KSR2: variants seen among roughly 807,000 people sequenced by gnomAD.
The protein encoded by KSR2 is kinase suppressor of ras 2.
A neutral mutation model predicts 107.8 loss-of-function variants in KSR2; 25 were observed. The ratio of observed to expected loss-of-function variants is 0.23; its 90% CI spans 0.17 to 0.32. The LOEUF is 0.32. Ranked by LOEUF, KSR2 falls within the 10% of genes least tolerant of loss-of-function variation. The pLI is 1.00. For synonymous variants in KSR2, 480 were observed against 507.0 expected, an observed-to-expected ratio of 0.95 and a Z score of 0.71; for missense variants, 887 against 1,268.9, an observed-to-expected ratio of 0.70 and a Z score of 4.57.
intron 4 of KSR2, among the ~76,000 whole-genome samples, chr12:117,704,853 C>T (rs1317687255): frequency 1.5e-5 from 2 of 137,034 alleles, no homozygotes; most frequent in East Asian, 4.5e-4. Context: ...AGTGAGACTT[C>T]ATCTCAAAAA....
chr12:117,846,801 A>G (rs1341529047), intron 3 of KSR2, among the ~76,000 whole-genome samples: 3 of 152,232 alleles, frequency 2.0e-5, no homozygotes, highest in Admixed American at 2.0e-4. Flanking sequence ...TAATGAATAT[A>G]AGTTTACCTG....
intron 1 of KSR2, among the ~76,000 whole-genome samples, chr12:117,961,914 G>A (rs1896670057): frequency 6.6e-6 from 1 of 152,204 alleles, no homozygotes; most frequent in Non-Finnish European, 1.5e-5. Context: ...GGAGGCCAAG[G>A]CAAGAGGGTG....
At chr12:117,945,439 C>A (rs1203752677) in intron 1 of KSR2, among the ~76,000 whole-genome samples, 1 of 152,190 alleles carries the variant, frequency 6.6e-6, no homozygotes, top group African/African-American at 2.4e-5. Context: ...CTTTGGGAGG[C>A]CAAGGCAGGT....
Position 117,761,302 on chromosome 12 carries a change from T to C in KSR2, c.695A>G (p.Tyr232Cys), listed in dbSNP as rs772218282. ...THVDRLTVDAYPGLCPPPPLE... is the reference protein window; with the variant it reads ...THVDRLTVDACPGLCPPPPLE... ...TGGCGGGGGCGGGCACAAGCCCGGG[T>C]AGGCGTCCACGGTAAGCCTGTCCAC... is the stretch of plus-strand genomic sequence containing the variant. The change falls in exon 4 of 20, where the codon TAC becomes TGC. Residue 232 changes from tyrosine (Y) to cysteine (C), a missense_variant. Tyr to Cys is a radical substitution (Grantham distance 194). Coordinates refer to ENST00000339824, the MANE Select transcript of KSR2 (RefSeq NM_173598.6). The C allele has an allele frequency of 6.6e-7, 1 of 1,520,554 alleles. No homozygotes were observed. 94.2% of individuals were successfully genotyped at this position (1,520,554 alleles called of 1,614,324 possible).
At chr12:117,662,012 C>T (rs911117040) in intron 5 of KSR2, among the ~76,000 whole-genome samples, 3 of 152,068 alleles carry the variant, frequency 2.0e-5, no homozygotes, top group African/African-American at 7.2e-5. Context: ...GTGGTCAGTA[C>T]CCATTAAAAA....
intron 6 of KSR2, among the ~76,000 whole-genome samples, chr12:117,581,342 C>A (rs149269439): frequency 6.6e-6 from 1 of 152,120 alleles, no homozygotes; most frequent in Non-Finnish European, 1.5e-5. Context: ...CCCAAGGGAA[C>A]AGGCCTTATG....
chr12:117,674,172 CA>C, intron 4 of KSR2: 1 of 423,744 alleles, frequency 2.4e-6, no homozygotes, highest in African/African-American at 2.0e-5. Context: ...AATTTACATA[CA>C]GTATCAAAAC....
At chr12:117,615,113 A>G (rs1881801693) in intron 5 of KSR2, among the ~76,000 whole-genome samples, 1 of 151,900 alleles carries the variant, frequency 6.6e-6, no homozygotes, top group African/African-American at 2.4e-5. Flanking sequence ...CCACTTTGGG[A>G]GCAAGAATCT....
chr12:117,472,540 G>T (rs753397714), intron 17 of KSR2, among the ~76,000 whole-genome samples: 2 of 152,160 alleles, frequency 1.3e-5, no homozygotes, highest in African/African-American at 4.8e-5. Context: ...ATGTAAGTTT[G>T]CTTTAAAGAA....
intron 1 of KSR2, among the ~76,000 whole-genome samples, chr12:117,885,043 G>A (rs540069326): frequency 6.6e-6 from 1 of 152,216 alleles, no homozygotes; most frequent in Admixed American, 6.5e-5. Context: ...AATATCCTTG[G>A]ATATGTTACT....
intron 1 of KSR2, among the ~76,000 whole-genome samples, chr12:117,904,562 C>G (rs1173271506): frequency 6.6e-6 from 1 of 152,118 alleles, no homozygotes; most frequent in African/African-American, 2.4e-5. Context: ...CAGTCCCTTC[C>G]GAATATTGGA....
intron 8 of KSR2, among the ~76,000 whole-genome samples, chr12:117,555,654 C>A (rs1023594793): frequency 6.6e-6 from 1 of 152,216 alleles, no homozygotes; most frequent in Non-Finnish European, 1.5e-5. Context: ...GGTGCCCTGT[C>A]CCTAACTTTC....
chr12:117,538,271 G>GC (rs1222326613), intron 10 of KSR2, among the ~76,000 whole-genome samples: 3 of 152,106 alleles, frequency 2.0e-5, no homozygotes, highest in African/African-American at 4.8e-5. Context: ...CAGATGAGTG[G>GC]CCCCTACACT....
chr12:117,828,271 A>G (rs2137103786), intron 3 of KSR2, among the ~76,000 whole-genome samples: 1 of 152,310 alleles, frequency 6.6e-6, no homozygotes, highest in African/African-American at 2.4e-5. Context: ...CCTGCTTCAT[A>G]ATCACTTGTT....
chr12:117,532,565 C>CT, intron 10 of KSR2, among the ~76,000 whole-genome samples: 1 of 152,306 alleles, frequency 6.6e-6, no homozygotes, highest in African/African-American at 2.4e-5. Context: ...ACATGGACAT[C>CT]TTTTGCGAAT....
chr12:117,616,312 T>C (rs1371482949), intron 5 of KSR2, among the ~76,000 whole-genome samples: 3 of 152,296 alleles, frequency 2.0e-5, no homozygotes, highest in East Asian at 1.9e-4. Flanking sequence ...TATAAGTAGC[T>C]GTCCAGCCCA....
chr12:117,901,629 AC>A (rs573705393), intron 1 of KSR2, among the ~76,000 whole-genome samples: 53 of 152,268 alleles, frequency 3.5e-4, no homozygotes, highest in African/African-American at 1.2e-3. Context: ...AAAAATTAAA[AC>A]GCAAAAAAGA....
At chr12:117,830,160 C>T (rs560356652) in intron 3 of KSR2, among the ~76,000 whole-genome samples, 2 of 151,956 alleles carry the variant, frequency 1.3e-5, no homozygotes, top group Admixed American at 6.5e-5. Flanking sequence ...CCCAGCTACT[C>T]GGGAGGCTGG....
At chr12:117,928,984 C>G (rs1327215943) in intron 1 of KSR2, among the ~76,000 whole-genome samples, 1 of 152,194 alleles carries the variant, frequency 6.6e-6, no homozygotes, top group African/African-American at 2.4e-5. Context: ...AAGGAAAACA[C>G]TTCGCCTTAA....
Sources: gnomAD v4.1 joint callset for allele counts (sites outside exome capture counted in the v4.1 genomes callset) on GRCh38, gnomAD v4.1.1 for gene constraint, MANE v1.5 for transcripts, NCBI Gene and HGNC (gene_info 2026-07-23, HGNC 2026-07-21) for gene names.